Variants in CERS1 observed in about 807,000 individuals in gnomAD.
CERS1 encodes ceramide synthase 1.
A neutral mutation model predicts 35.7 loss-of-function variants in CERS1; 16 were observed. The ratio of observed to expected loss-of-function variants is 0.45; its 90% CI spans 0.30 to 0.68. CERS1 has a LOEUF of 0.68. CERS1 is among the 30% of genes least tolerant of loss of function. The pLI is 0.08. For synonymous variants in CERS1, 243 were observed against 201.6 expected, an observed-to-expected ratio of 1.21 and a Z score of -1.74; for missense variants, 454 against 453.9, an observed-to-expected ratio of 1.00 and a Z score of 0.00.
rs2056112571 is a variant in CERS1, at chr19:18,878,695, T to C, written c.1010+235A>G. The C allele has an allele frequency of 1.1e-5, 15 of 1,359,610 alleles. No homozygotes were observed. Among genetic ancestry groups the C allele is most frequent in the East Asian group, 9.1e-5 (3 of 33,142 alleles). 84.2% of individuals were successfully genotyped at this position (1,359,610 alleles called of 1,614,324 possible). A position where few individuals can be genotyped will look rare whatever the true frequency, so the allele number is the denominator to read the frequency against. On this transcript the variant is annotated intron_variant, in intron 6 of 7. Transcript: ENST00000623882. The surrounding 1 kb of genome is among the most constrained non-coding windows in gnomAD (Gnocchi z 4.6). ...GTGTCCCTACCGCTGAGACCCTGCCTGTCGCCCTGCCTGCCCCTCCCCAGC... is the reference window on the plus strand; with the variant it reads ...GTGTCCCTACCGCTGAGACCCTGCCCGTCGCCCTGCCTGCCCCTCCCCAGC...
intron 6 of CERS1, among the ~76,000 whole-genome samples, chr19:18,872,589 C>T (rs2055992436): frequency 6.6e-6 from 1 of 151,780 alleles, no homozygotes. Flanking sequence ...GATCTTGGCT[C>T]ACTGCAACCT....
Position 18,870,304 on chromosome 19 carries a change from G to T in CERS1, c.*273C>A. The T allele has an allele frequency of 6.5e-7, 1 of 1,545,820 alleles. No individual in the cohort carries two copies. On this transcript the variant is annotated 3_prime_UTR_variant, in exon 7 of 8. Transcript: ENST00000623882. The surrounding 1 kb of genome is among the most constrained non-coding windows in gnomAD (Gnocchi z 5.1). ...CCGCAGGGACCTTGCTGCGGCGGTG[G>T]CATCTTCCTCCCAGGCGATGACCAG...
At chr19:18,893,659 G>A (rs1487552251) in intron 1 of CERS1, 84 bp from the exon 2 acceptor site, 10 of 1,391,634 alleles carry the variant, frequency 7.2e-6, no homozygotes, top group Non-Finnish European at 9.8e-6. Context: ...GAGGCCCAGG[G>A]ACTCCCCAGG....
rs1194520461 is a variant in CERS1 at position 18,870,962 on chromosome 19, G to A, written c.1011-343C>T. On this transcript the variant is annotated intron_variant, in intron 6 of 7. Transcript: ENST00000623882. The surrounding 1 kb of genome is among the most constrained non-coding windows in gnomAD (Gnocchi z 5.1). ...CCGGCCTGGGCCTGACAACTCCACC[G>A]CCTCCACAGTGGGACCCTGCACATC... Among the ~76,000 whole-genome samples, 2 of 152,082 alleles carry A rather than the reference G, an allele frequency of 1.3e-5. No homozygotes were observed. Among genetic ancestry groups the A allele is most frequent in the Non-Finnish European group, 2.9e-5 (2 of 68,024 alleles).
Position 18,870,028 on chromosome 19 carries a change from C to T in CERS1, c.*549G>A. ...ACGATGTTTCCGGCGACCCCCAGCTCCTCCACGTGGCACGGTTGCAGGGTG... is the reference window on the plus strand; with the variant it reads ...ACGATGTTTCCGGCGACCCCCAGCTTCTCCACGTGGCACGGTTGCAGGGTG... On this transcript the variant is annotated 3_prime_UTR_variant, in exon 7 of 8. Coordinates refer to ENST00000623882, the MANE Select transcript of CERS1 (RefSeq NM_021267.5). This position sits in a 1 kb window ranked among gnomAD's most constrained non-coding sequence, Gnocchi z 5.1. 6.3e-7 allele frequency: 1 copy of T among 1,597,372 alleles called. No homozygotes were observed. The highest frequency in any genetic ancestry group is 8.5e-7 in the Non-Finnish European group (1 of 1,174,434).
chr19:18,886,693 T>C (rs1222574116), intron 2 of CERS1, among the ~76,000 whole-genome samples: 1 of 152,136 alleles, frequency 6.6e-6, no homozygotes, highest in Non-Finnish European at 1.5e-5. Context: ...AGACAGACCC[T>C]CCAGCCTCCA....
intron 2 of CERS1, among the ~76,000 whole-genome samples, chr19:18,893,116 T>A (rs950876826): frequency 6.6e-6 from 1 of 152,094 alleles, no homozygotes; most frequent in Non-Finnish European, 1.5e-5. Flanking sequence ...GGTTTCACCA[T>A]GTTAGCCAGG....
chr19:18,889,722 A>T (rs1003008288), intron 2 of CERS1, among the ~76,000 whole-genome samples: 3 of 151,964 alleles, frequency 2.0e-5, no homozygotes, highest in Non-Finnish European at 4.4e-5. Flanking sequence ...GAGTCACCGC[A>T]CCTGGCCTGT....
rs759003558 is a variant in CERS1, at chr19:18,879,297, A to T, written c.844T>A (p.Phe282Ile). The T allele has an allele frequency of 6.2e-7, 1 of 1,613,196 alleles. No homozygotes were observed. Among genetic ancestry groups the T allele is most frequent in the Non-Finnish European group, 8.5e-7 (1 of 1,179,596 alleles). The change falls in exon 5 of 8, where the codon TTC becomes ATC. Residue 282 changes from phenylalanine (F) to isoleucine (I), a missense_variant. Physicochemically the swap from Phe to Ile is conservative, Grantham distance 21 (BLOSUM62 0). Coordinates refer to ENST00000623882, the MANE Select transcript of CERS1 (RefSeq NM_021267.5). ...AGCAGCAGGAGCGCATTGAAGAAGA[A>T]GTAGAAGGGGATGTCAGGCACCGTG... ...LRTVPDIPFY[F>I]FFNALLLLLT...
chr19:18,874,630 C>T (rs1011252424), intron 6 of CERS1, among the ~76,000 whole-genome samples: 3 of 152,184 alleles, frequency 2.0e-5, no homozygotes, highest in Non-Finnish European at 4.4e-5. Flanking sequence ...GGACTTTGGA[C>T]AGAGGGGCTG....
intron 6 of CERS1, among the ~76,000 whole-genome samples, chr19:18,875,592 C>T (rs531101044): frequency 3.2e-4 from 48 of 151,914 alleles, no homozygotes; most frequent in African/African-American, 1.2e-3. Flanking sequence ...AAACGGTAAT[C>T]CACCTGGAAT....
chr19:18,888,465 C>T (rs948372121), intron 2 of CERS1, among the ~76,000 whole-genome samples: 1 of 141,086 alleles, frequency 7.1e-6, no homozygotes, highest in Non-Finnish European at 1.5e-5. Context: ...TTCCAGTGAG[C>T]TGAGATCACA....
chr19:18,892,925 T>C (rs1217052940), intron 2 of CERS1, among the ~76,000 whole-genome samples: 1 of 152,098 alleles, frequency 6.6e-6, no homozygotes, highest in Non-Finnish European at 1.5e-5. Flanking sequence ...CTTTTTTTCT[T>C]TTCTTTTTTA....
At chr19:18,880,524 A>G in intron 3 of CERS1, 89 bp from the exon 4 acceptor site, 1 of 1,325,960 alleles carries the variant, frequency 7.5e-7, no homozygotes, top group Non-Finnish European at 1.0e-6. Flanking sequence ...TCCCTGGGCT[A>G]CACCTCAGGC....
chr19:18,894,693 G>A, intron 1 of CERS1, among the ~76,000 whole-genome samples: 1 of 152,146 alleles, frequency 6.6e-6, no homozygotes, highest in Non-Finnish European at 1.5e-5. Context: ...GCCCTGGACA[G>A]CCCTGTCTCC....
chr19:18,879,189 A>G, intron 5 of CERS1, 52 bp downstream of exon 5: 1 of 1,609,488 alleles, frequency 6.2e-7, no homozygotes. Flanking sequence ...GGGGACAGGG[A>G]TTGGGACGAG....
intron 2 of CERS1, among the ~76,000 whole-genome samples, chr19:18,888,554 G>T (rs1346727004): frequency 7.0e-6 from 1 of 143,682 alleles, no homozygotes; most frequent in Non-Finnish European, 1.5e-5. Context: ...AAACAGGCTA[G>T]GTGCGGTGGC....
chr19:18,878,935 T>G lies in CERS1; in HGVS notation c.1005A>C (p.Lys335Asn), dbSNP rs750550516. ...TAEAQSLKPS[K>N]AEKPLRNGLV... The stretch of plus-strand genomic sequence containing the variant: ...GCGGGCCCCTCCACACTCACTCGGC[T>G]TTGCTGGGCTTCAGGCTCTGGGCCT... Residue 335 changes from lysine (K) to asparagine (N), a missense_variant, in exon 6 of 8, where the codon AAA (lysine) becomes AAC (asparagine). Physicochemically the swap from Lys to Asn is moderately conservative, Grantham distance 94 (BLOSUM62 0). Coordinates refer to ENST00000623882, the MANE Select transcript of CERS1 (RefSeq NM_021267.5). This position sits in a 1 kb window ranked among gnomAD's most constrained non-coding sequence, Gnocchi z 4.6. 3.1e-6 allele frequency: 5 copies of G among 1,613,658 alleles called. No homozygotes were observed. Among genetic ancestry groups the G allele is most frequent in the Non-Finnish European group, 4.2e-6 (5 of 1,179,822 alleles).
intron 5 of CERS1, 64 bp downstream of exon 5, chr19:18,879,177 G>A (rs1000770254): frequency 6.2e-7 from 1 of 1,606,170 alleles, no homozygotes; most frequent in Non-Finnish European, 8.5e-7. Flanking sequence ...ACTGCCTGAG[G>A]AGGGGACAGG....
Sources: gnomAD v4.1 joint callset for allele counts (sites outside exome capture counted in the v4.1 genomes callset) on GRCh38, gnomAD v4.1.1 for gene constraint, Gnocchi (gnomAD v3.1) non-coding constraint, MANE v1.5 for transcripts, NCBI Gene and HGNC (gene_info 2026-07-23, HGNC 2026-07-21) for gene names.